Variants in MYO1E observed in about 807,000 individuals in gnomAD.
The protein encoded by MYO1E is myosin IE.
A neutral mutation model predicts 151.1 loss-of-function variants in MYO1E; 68 were observed. The ratio of observed to expected loss-of-function variants is 0.45; its 90% CI spans 0.37 to 0.55. MYO1E has a LOEUF of 0.55. Ranked by LOEUF, MYO1E falls within the 20% of genes least tolerant of loss-of-function variation. The probability of loss-of-function intolerance (pLI) is 0.00; values close to 1 mark genes in which losing one functional copy is unlikely to be tolerated. For missense variants in MYO1E, 1,363 were observed against 1,389.3 expected, an observed-to-expected ratio of 0.98 and a Z score of 0.30; for synonymous variants, 601 against 501.7, an observed-to-expected ratio of 1.20 and a Z score of -2.64.
chr15:59,220,630 C>T (rs2140347533), intron 9 of MYO1E, among the ~76,000 whole-genome samples: 1 of 152,102 alleles, frequency 6.6e-6, no homozygotes, highest in East Asian at 1.9e-4. Context: ...CTTCCCTCTA[C>T]AAATTTATTC....
chr15:59,151,202 C>T (rs183587192), intron 26 of MYO1E, among the ~76,000 whole-genome samples: 1 of 151,736 alleles, frequency 6.6e-6, no homozygotes, highest in African/African-American at 2.4e-5. Context: ...ACAAGGCAGG[C>T]AGATGACGAG....
chr15:59,202,952 C>T (rs79136389), intron 15 of MYO1E, among the ~76,000 whole-genome samples: 7,633 of 152,208 alleles, frequency 0.05, 220 homozygotes, highest in Middle Eastern at 0.095. Flanking sequence ...CGCCATGTTT[C>T]CCAGGCTGGT....
chr15:59,266,477 T>G (rs1019666612), intron 2 of MYO1E, among the ~76,000 whole-genome samples: 2 of 152,294 alleles, frequency 1.3e-5, no homozygotes, highest in Admixed American at 6.5e-5. Flanking sequence ...TTCATTGACC[T>G]GCAGCAAGAA....
chr15:59,371,225 C>T (rs948936010), intron 1 of MYO1E, among the ~76,000 whole-genome samples: 12 of 152,060 alleles, frequency 7.9e-5, no homozygotes, highest in African/African-American at 2.9e-4. Context: ...GCTTTGTGTG[C>T]AGGTTTCGAT....
intron 4 of MYO1E, among the ~76,000 whole-genome samples, chr15:59,250,833 T>C (rs2140367151): frequency 6.6e-6 from 1 of 152,262 alleles, no homozygotes. Flanking sequence ...TGGGAGCAGG[T>C]CCTTGAAATC....
At chr15:59,334,694 C>T (rs1454741120) in intron 1 of MYO1E, among the ~76,000 whole-genome samples, 1 of 152,180 alleles carries the variant, frequency 6.6e-6, no homozygotes, top group Non-Finnish European at 1.5e-5. Flanking sequence ...CTCTGAAAGA[C>T]GATTATACAG....
At chr15:59,150,627 T>C (rs1190807833) in intron 26 of MYO1E, among the ~76,000 whole-genome samples, 3 of 152,300 alleles carry the variant, frequency 2.0e-5, no homozygotes, top group African/African-American at 7.2e-5. Context: ...CTCACCCACC[T>C]GAAAGGTGTA....
chr15:59,194,725 T>C (rs890107869), intron 17 of MYO1E, among the ~76,000 whole-genome samples: 1 of 152,166 alleles, frequency 6.6e-6, no homozygotes, highest in Middle Eastern at 3.2e-3. Context: ...CTCTGAACAA[T>C]GTGTGTCTGG....
chr15:59,259,694 C>T (rs750419181), intron 3 of MYO1E, among the ~76,000 whole-genome samples: 38 of 152,214 alleles, frequency 2.5e-4, no homozygotes, highest in Admixed American at 1.9e-3. Flanking sequence ...AAGGCTTCAA[C>T]GCTGCTGAAC....
Position 59,136,697 on chromosome 15 carries a change from C to T in MYO1E, c.*683G>A. 1 of 456,440 alleles carries T rather than the reference C, an allele frequency of 2.2e-6. No homozygotes were observed. Among genetic ancestry groups the T allele is most frequent in the South Asian group, 1.5e-5 (1 of 64,564 alleles). 28.3% of individuals were successfully genotyped at this position (456,440 alleles called of 1,614,324 possible). On this transcript the variant is annotated 3_prime_UTR_variant, in exon 28 of 28. Transcript: ENST00000288235. ...GTAAGTACAGCATTTAAACACAAAC[C>T]AATATGGGCCAGCCACATTCTAATT...
At chr15:59,357,970 T>C (rs1281444174) in intron 1 of MYO1E, among the ~76,000 whole-genome samples, 2 of 152,186 alleles carry the variant, frequency 1.3e-5, no homozygotes, top group Non-Finnish European at 2.9e-5. Context: ...ATCACAGGAC[T>C]TGGCAAGTGG....
chr15:59,168,580 A>G (rs113309610), intron 22 of MYO1E, among the ~76,000 whole-genome samples: 4,697 of 152,186 alleles, frequency 0.031, 277 homozygotes, highest in African/African-American at 0.11. Flanking sequence ...GAACCACCAC[A>G]TGTCAGATTT....
intron 26 of MYO1E, 41 bp from the exon 27 acceptor site, chr15:59,138,408 G>T (rs376549716): frequency 6.2e-7 from 1 of 1,609,738 alleles, no homozygotes; most frequent in Non-Finnish European, 8.5e-7. Flanking sequence ...GCCCCAACAG[G>T]GGGCAGCAGC....
chr15:59,270,181 C>A (rs1038342853), intron 2 of MYO1E, among the ~76,000 whole-genome samples: 1 of 152,164 alleles, frequency 6.6e-6, no homozygotes, highest in Middle Eastern at 3.2e-3. Flanking sequence ...AATGTTTGCA[C>A]CACACACAAT....
chr15:59,338,171 A>C (rs370665082), intron 1 of MYO1E, among the ~76,000 whole-genome samples: 3 of 151,424 alleles, frequency 2.0e-5, no homozygotes, highest in South Asian at 2.1e-4. Flanking sequence ...AAAAAAAAAA[A>C]CAAAAATGAA....
intron 12 of MYO1E, 49 bp from the exon 13 acceptor site, chr15:59,210,649 C>T (rs2140340358): frequency 3.0e-6 from 4 of 1,340,302 alleles, no homozygotes; most frequent in Non-Finnish European, 4.3e-6. Flanking sequence ...ATAGCAAGAG[C>T]TCTGCACGGA....
intron 4 of MYO1E, among the ~76,000 whole-genome samples, chr15:59,254,967 A>T (rs1011405857): frequency 1.3e-4 from 20 of 152,158 alleles, no homozygotes; most frequent in Admixed American, 9.2e-4. Context: ...CTGGGACTAC[A>T]GGCATGTACC....
At position 59,352,034 on chromosome 15, in the gene MYO1E, C is replaced by T. The variant is rs558918608; in HGVS notation, c.3+20464G>A. Among the ~76,000 whole-genome samples, 6 of 152,212 alleles carry T rather than the reference C, an allele frequency of 3.9e-5. No individual in the cohort carries two copies. The East Asian group carries it at 1.2e-3, about 29-fold the overall frequency. Reference sequence around the variant, plus strand: ...GTTTGATAGACTAGTTCAGAGGGATCAGTAATGGGAGAAAGTATAGCATGG... The same window carrying T: ...GTTTGATAGACTAGTTCAGAGGGATTAGTAATGGGAGAAAGTATAGCATGG... On this transcript the variant is annotated intron_variant, in intron 1 of 27. Coordinates refer to ENST00000288235, the MANE Select transcript of MYO1E (RefSeq NM_004998.4).
chr15:59,372,107 G>A (rs2080949352), intron 1 of MYO1E, among the ~76,000 whole-genome samples: 1 of 150,530 alleles, frequency 6.6e-6, no homozygotes, highest in Non-Finnish European at 1.5e-5. Context: ...CGCCGCCAGC[G>A]GCTGCGGCGC....
Sources: allele counts gnomAD v4.1 joint callset (sites outside exome capture counted in the v4.1 genomes callset), GRCh38; gene constraint gnomAD v4.1.1; transcripts MANE v1.5; gene names NCBI Gene and HGNC (gene_info 2026-07-23, HGNC 2026-07-21).